Variants in ADORA1 observed in about 807,000 individuals in gnomAD.
The protein encoded by ADORA1 is adenosine A1 receptor, also known as adenosine receptor A1.
Under a neutral mutation model 19.9 loss-of-function variants are expected in ADORA1, and 6 were observed. The ratio of observed to expected loss-of-function variants is 0.30; its 90% confidence interval spans 0.17 to 0.59. ADORA1 has a LOEUF of 0.59. Ranked by LOEUF, ADORA1 falls within the 20% of genes least tolerant of loss-of-function variation. The pLI, the probability that ADORA1 is intolerant of heterozygous loss-of-function variation, is 0.87. For missense variants in ADORA1, 302 were observed against 439.2 expected (o/e 0.69, Z 2.79); for synonymous variants, 194 against 188.4 (o/e 1.03, Z -0.24).
rs1259878201 is a variant in ADORA1, at chr1:203,165,008, T to C, written c.342-253T>C. On this transcript the variant is annotated intron_variant, in intron 3 of 3. Transcript: ENST00000337894. The surrounding 1 kb of genome is among the most constrained non-coding windows in gnomAD (Gnocchi z 5.9). Reference sequence around the variant, plus strand: ...AATTCATAAAGGAGCTCCTCTGTGATTTTCTATTATTATTTTTGTCATTAA... The same window carrying C: ...AATTCATAAAGGAGCTCCTCTGTGACTTTCTATTATTATTTTTGTCATTAA... The C allele has an allele frequency of 9.4e-6, 14 of 1,484,514 alleles. No homozygotes were observed. The highest frequency in any genetic ancestry group is 1.2e-5 in the Non-Finnish European group (14 of 1,124,620). 92.0% of individuals were successfully genotyped at this position (1,484,514 alleles called of 1,614,324 possible).
intron 3 of ADORA1, among the ~76,000 whole-genome samples, chr1:203,155,515 T>G (rs1277563725): frequency 1.3e-5 from 2 of 152,208 alleles, no homozygotes; most frequent in Admixed American, 1.3e-4. Context: ...AAAAGGACGA[T>G]TCATGAGGCA....
Position 203,165,032 on chromosome 1 carries a change from A to G in ADORA1, c.342-229A>G. ...ATTTTCTATTATTATTTTTGTCATT[A>G]ATCAGGATTTCCTCTCTCTGTAGGA... On this transcript the variant is annotated intron_variant, in intron 3 of 3. Transcript: ENST00000337894. This position sits in a 1 kb window ranked among gnomAD's most constrained non-coding sequence, Gnocchi z 5.9. 6.5e-7 allele frequency: 1 copy of G among 1,547,866 alleles called. No homozygotes were observed.
intron 3 of ADORA1, among the ~76,000 whole-genome samples, chr1:203,136,071 G>T (rs1286021007): frequency 6.6e-6 from 1 of 152,152 alleles, no homozygotes; most frequent in African/African-American, 2.4e-5. Flanking sequence ...CATTCGGCAG[G>T]TGGGGACAGA....
chr1:203,130,423 T>C (rs1163420198), intron 3 of ADORA1, among the ~76,000 whole-genome samples: 1 of 152,242 alleles, frequency 6.6e-6, no homozygotes, highest in East Asian at 1.9e-4. Flanking sequence ...TCTGCCTTCC[T>C]TCCTGATTCC....
chr1:203,131,253 C>A (rs1307163975), intron 3 of ADORA1, among the ~76,000 whole-genome samples: 1 of 152,216 alleles, frequency 6.6e-6, no homozygotes, highest in Non-Finnish European at 1.5e-5. Context: ...AACACATACA[C>A]ACGAAGAAAC....
intron 3 of ADORA1, among the ~76,000 whole-genome samples, chr1:203,159,174 T>G (rs1225427007): frequency 6.6e-6 from 1 of 152,198 alleles, no homozygotes; most frequent in Non-Finnish European, 1.5e-5. Context: ...CATCCCACCC[T>G]CATCTGCCTG....
chr1:203,157,690 G>A lies in ADORA1; in HGVS notation c.342-7571G>A, dbSNP rs997685960. ...AATTGGAGGCTGGCATGACCCCATG[G>A]CTTCCACACTCTGTGCACCTGCAGA... On this transcript the variant is annotated intron_variant, in intron 3 of 3. Coordinates refer to ENST00000337894, the MANE Select transcript of ADORA1 (RefSeq NM_000674.3). Among the ~76,000 whole-genome samples, 6 of 152,330 alleles carry A rather than the reference G, an allele frequency of 3.9e-5. No homozygotes were observed. The South Asian group carries it at 1.2e-3, about 32-fold the overall frequency.
At chr1:203,136,932 C>T (rs557568959) in intron 3 of ADORA1, among the ~76,000 whole-genome samples, 1 of 152,234 alleles carries the variant, frequency 6.6e-6, no homozygotes, top group South Asian at 2.1e-4. Context: ...GGGATACTTT[C>T]ATTAATAAAA....
intron 3 of ADORA1, among the ~76,000 whole-genome samples, chr1:203,148,530 G>A (rs1654932200): frequency 6.6e-6 from 1 of 152,230 alleles, no homozygotes; most frequent in Admixed American, 6.5e-5. Context: ...TGCTGTCACA[G>A]TGTTTTGCCT....
chr1:203,156,835 G>C (rs938076933), intron 3 of ADORA1, among the ~76,000 whole-genome samples: 1 of 152,226 alleles, frequency 6.6e-6, no homozygotes, highest in Non-Finnish European at 1.5e-5. Context: ...GCATCACACA[G>C]ACAGGAGCTG....
intron 3 of ADORA1, among the ~76,000 whole-genome samples, chr1:203,164,672 G>A (rs1354498004): frequency 1.3e-5 from 2 of 152,160 alleles, no homozygotes; most frequent in African/African-American, 2.4e-5. Context: ...AAGGGGGGTT[G>A]TGTGAAAGAT....
At chr1:203,134,886 A>G (rs1654456522) in intron 3 of ADORA1, among the ~76,000 whole-genome samples, 1 of 152,260 alleles carries the variant, frequency 6.6e-6, no homozygotes, top group South Asian at 2.1e-4. Flanking sequence ...ACTTAACATT[A>G]TAAGCATTTC....
intron 3 of ADORA1, among the ~76,000 whole-genome samples, chr1:203,149,044 A>AT (rs1654950326): frequency 6.6e-6 from 1 of 151,972 alleles, no homozygotes; most frequent in Non-Finnish European, 1.5e-5. Context: ...AGACTGGCTA[A>AT]TATTTGTATT....
At chr1:203,159,319 T>C (rs1412068880) in intron 3 of ADORA1, among the ~76,000 whole-genome samples, 1 of 152,130 alleles carries the variant, frequency 6.6e-6, no homozygotes, top group Admixed American at 6.5e-5. Flanking sequence ...TAAAATGACT[T>C]CCCCTCGTAC....
chr1:203,139,460 A>G (rs1654611157), intron 3 of ADORA1, among the ~76,000 whole-genome samples: 1 of 152,152 alleles, frequency 6.6e-6, no homozygotes, highest in Non-Finnish European at 1.5e-5. Context: ...ATAATTCTCT[A>G]GGAAGTGGGA....
chr1:203,150,656 G>C, intron 3 of ADORA1: 1 of 1,289,788 alleles, frequency 7.8e-7, no homozygotes, highest in Non-Finnish European at 1.0e-6. Context: ...GTCTTCTTGA[G>C]TTCTGATGCA....
At chr1:203,137,343 A>G (rs1654543513) in intron 3 of ADORA1, among the ~76,000 whole-genome samples, 2 of 152,166 alleles carry the variant, frequency 1.3e-5, no homozygotes, top group Admixed American at 1.3e-4. Context: ...GAGAGTGGTC[A>G]GAGATAATGG....
chr1:203,129,198 C>T lies in ADORA1; in HGVS notation c.341+16C>T. On this transcript the variant is annotated intron_variant, in intron 3 of 3. Coordinates refer to ENST00000337894, the MANE Select transcript of ADORA1 (RefSeq NM_000674.3). ...TCCCTCTCCGGTGAGTCCACAGCGC[C>T]GAAGGTACTCGCAGCACCACATGAT... 2 of 1,592,966 alleles carry T rather than the reference C, an allele frequency of 1.3e-6. No homozygotes were observed. Among genetic ancestry groups the T allele is most frequent in the Middle Eastern group, 1.7e-4 (1 of 5,942 alleles).
chr1:203,152,124 T>A (rs1655057123), intron 3 of ADORA1, among the ~76,000 whole-genome samples: 1 of 152,152 alleles, frequency 6.6e-6, no homozygotes, highest in Non-Finnish European at 1.5e-5. Flanking sequence ...TCCCTCATCA[T>A]CCAGACAAGG....
Sources: allele counts gnomAD v4.1 joint callset (sites outside exome capture counted in the v4.1 genomes callset), GRCh38; gene constraint gnomAD v4.1.1; non-coding constraint Gnocchi (gnomAD v3.1); transcripts MANE v1.5; gene names NCBI Gene and HGNC (gene_info 2026-07-23, HGNC 2026-07-21).